Variants in ACBD6 observed in about 807,000 individuals in gnomAD.
ACBD6 encodes the protein acyl-CoA-binding domain-containing protein 6.
Under a neutral mutation model 37.2 loss-of-function variants are expected in ACBD6, and 28 were observed. The observed-to-expected ratio is 0.75, with a 90% CI of 0.56 to 1.03. The LOEUF (loss-of-function observed/expected upper bound fraction) is 1.03. Ranked by LOEUF, ACBD6 falls within the 50% of genes least tolerant of loss-of-function variation. The probability of loss-of-function intolerance (pLI) is 0.00; values close to 1 mark genes in which losing one functional copy is unlikely to be tolerated. For missense variants in ACBD6, 340 were observed against 337.4 expected (o/e 1.01, Z -0.06); for synonymous variants, 113 against 126.8 (o/e 0.89, Z 0.73).
intron 3 of ACBD6, among the ~76,000 whole-genome samples, chr1:180,477,978 TA>T (rs58326495): frequency 2.7e-4 from 39 of 144,964 alleles, no homozygotes; most frequent in Admixed American, 4.1e-4. Context: ...TCCATCTCTT[TA>T]AAAAAAAAAA....
intron 3 of ACBD6, among the ~76,000 whole-genome samples, chr1:180,430,851 A>G (rs1648785703): frequency 1.3e-5 from 2 of 152,178 alleles, no homozygotes; most frequent in African/African-American, 4.8e-5. Flanking sequence ...ATGTTCTCAA[A>G]ACACACAAGA....
chr1:180,270,745 C>G (rs1282421187), exon 14 of ACBD6: 3 of 157,102 alleles, frequency 1.9e-5, no homozygotes, highest in African/African-American at 7.2e-5. Context: ...ATGAAATGAT[C>G]TTGCCATTCC....
chr1:180,358,565 C>G (rs200643618), intron 6 of ACBD6, among the ~76,000 whole-genome samples: 1 of 106,606 alleles, frequency 9.4e-6, no homozygotes, highest in African/African-American at 3.4e-5. Flanking sequence ...CCAAAAAAAA[C>G]CCCAAAAGAA....
chr1:180,363,640 C>T (rs914286178), intron 6 of ACBD6, among the ~76,000 whole-genome samples: 1 of 152,160 alleles, frequency 6.6e-6, no homozygotes, highest in African/African-American at 2.4e-5. Context: ...AATCAAATCA[C>T]TTAAAAAAGC....
At chr1:180,301,053 C>T (rs1571333548) in intron 7 of ACBD6, among the ~76,000 whole-genome samples, 2 of 152,162 alleles carry the variant, frequency 1.3e-5, no homozygotes, top group African/African-American at 2.4e-5. Context: ...AAGGTAACAT[C>T]TCTGAACTGT....
chr1:180,497,137 C>T (rs1651771169), intron 1 of ACBD6, among the ~76,000 whole-genome samples: 1 of 152,166 alleles, frequency 6.6e-6, no homozygotes, highest in African/African-American at 2.4e-5. Context: ...ATTATACAAA[C>T]TTTAAGACAT....
At chr1:180,453,983 C>G (rs1034137159) in intron 3 of ACBD6, among the ~76,000 whole-genome samples, 4 of 152,178 alleles carry the variant, frequency 2.6e-5, no homozygotes, top group African/African-American at 9.7e-5. Flanking sequence ...CTATCCCCAT[C>G]AAGCTACCAT....
intron 4 of ACBD6, among the ~76,000 whole-genome samples, chr1:180,419,765 T>C (rs1023913829): frequency 6.6e-6 from 1 of 152,136 alleles, no homozygotes; most frequent in South Asian, 2.1e-4. Flanking sequence ...ATTCATTAAG[T>C]GGAAGTGGAT....
At chr1:180,273,612 A>G (rs1279186609) in intron 11 of ACBD6, 1 of 152,752 alleles carries the variant, frequency 6.5e-6, no homozygotes, top group Non-Finnish European at 1.5e-5. Context: ...TAATCAAGTC[A>G]ATTCTTTGTC....
chr1:180,354,647 A>G (rs563177763), intron 6 of ACBD6, among the ~76,000 whole-genome samples: 1 of 152,368 alleles, frequency 6.6e-6, no homozygotes, highest in African/African-American at 2.4e-5. Flanking sequence ...ATTCAAAGAT[A>G]AAACTATTTT....
rs759382181 is a variant in ACBD6, at chr1:180,397,604, C to T, written c.575G>A (p.Gly192Asp). Residue 192 changes from glycine to aspartate, a missense_variant and splice_region_variant, in exon 6 of 8, where the codon GGT (glycine) becomes GAT (aspartate). Physicochemically the swap from Gly to Asp is moderately conservative, Grantham distance 94. Transcript: ENST00000367595. ...NVDVNVKDEE[G>D]RALLHWACDR... is the part of the protein sequence containing the mutation. ...ACAGGCCCAGTGAAGTAGAGCCCTA[C>T]CCTAAAAACACAGAAGATAAATGAA... 4 of 1,612,096 alleles carry T rather than the reference C, an allele frequency of 2.5e-6. No homozygotes were observed. Among genetic ancestry groups the T allele is most frequent in the Admixed American group, 1.7e-5 (1 of 59,974 alleles).
At chr1:180,381,964 C>T (rs564529450) in intron 6 of ACBD6, among the ~76,000 whole-genome samples, 1 of 151,800 alleles carries the variant, frequency 6.6e-6, no homozygotes, top group Non-Finnish European at 1.5e-5. Flanking sequence ...CAAAAATTAG[C>T]TGGGCGTGGT....
intron 6 of ACBD6, among the ~76,000 whole-genome samples, chr1:180,337,310 C>G (rs1293450618): frequency 6.6e-6 from 1 of 152,184 alleles, no homozygotes; most frequent in South Asian, 2.1e-4. Flanking sequence ...CCACTGTGAT[C>G]AAGTGGGCTT....
Position 180,452,280 on chromosome 1 carries a change from G to A in ACBD6, c.385-22018C>T, listed in dbSNP as rs142669093. Among the ~76,000 whole-genome samples the A allele has an allele frequency of 3.7e-3, 557 of 152,208 alleles. 1 individual carries two copies. Among genetic ancestry groups the A allele is most frequent in the African/African-American group, 0.013 (525 of 41,544 alleles). On this transcript the variant is annotated intron_variant, in intron 3 of 7. Transcript: ENST00000367595. ...AGGTCAAGAGATTGAGACCAGCCTG[G>A]CCAATATAGTGAAACCTCATCTCTA...
intron 6 of ACBD6, among the ~76,000 whole-genome samples, chr1:180,377,613 T>C (rs549673737): frequency 6.6e-6 from 1 of 152,232 alleles, no homozygotes; most frequent in South Asian, 2.1e-4. Context: ...AATACCACAA[T>C]AACAACTGTT....
chr1:180,322,840 GTTTGA>G (rs368021547), intron 6 of ACBD6, among the ~76,000 whole-genome samples: 11 of 149,548 alleles, frequency 7.4e-5, no homozygotes, highest in African/African-American at 2.0e-4. Flanking sequence ...CTTCATTTCA[GTTTGA>G]TTTATTTATT....
chr1:180,388,143 T>C (rs1173657893), intron 6 of ACBD6, among the ~76,000 whole-genome samples: 3 of 141,454 alleles, frequency 2.1e-5, no homozygotes, highest in Non-Finnish European at 3.0e-5. Flanking sequence ...GCCACGGCAC[T>C]CCAGCCTGGG....
chr1:180,304,910 G>A (rs1056065714), intron 7 of ACBD6, among the ~76,000 whole-genome samples: 12 of 151,998 alleles, frequency 7.9e-5, no homozygotes, highest in African/African-American at 2.7e-4. Flanking sequence ...CAGAGATATA[G>A]ACCAATGGTA....
At chr1:180,499,020 T>C (rs1414695313) in intron 1 of ACBD6, among the ~76,000 whole-genome samples, 1 of 152,182 alleles carries the variant, frequency 6.6e-6, no homozygotes, top group Non-Finnish European at 1.5e-5. Flanking sequence ...TCGATTTTGT[T>C]AAAACTTTAT....
Sources: allele counts gnomAD v4.1 joint callset (sites outside exome capture counted in the v4.1 genomes callset), GRCh38; gene constraint gnomAD v4.1.1; transcripts MANE v1.5; gene names NCBI Gene and HGNC (gene_info 2026-07-23, HGNC 2026-07-21).